BCAR1: variants seen among roughly 807,000 people sequenced by gnomAD.
BCAR1 encodes breast cancer anti-estrogen resistance protein 1.
BCAR1 carries 30 observed loss-of-function variants against 67.6 expected under a neutral mutation model. That is an observed-to-expected ratio of 0.44 (90% confidence interval 0.33 to 0.60). BCAR1 has a LOEUF of 0.60. Among genes scored for constraint, BCAR1 ranks in the 20% least tolerant of loss-of-function variants. The pLI is 0.02. For synonymous variants in BCAR1, 626 were observed against 556.7 expected, an observed-to-expected ratio of 1.12 and a Z score of -1.75; for missense variants, 1,313 against 1,222.3, an observed-to-expected ratio of 1.07 and a Z score of -1.11.
chr16:75,255,126 G>A (rs1049020074), upstream of BCAR1, among the ~76,000 whole-genome samples: 4 of 152,192 alleles, frequency 2.6e-5, no homozygotes, highest in Non-Finnish European at 4.4e-5. Context: ...GCTATTAGAT[G>A]GCCTCTTCCA....
At chr16:75,255,681 G>T (rs1348622575), upstream of BCAR1, among the ~76,000 whole-genome samples, 1 of 145,302 alleles carries the variant, frequency 6.9e-6, no homozygotes, top group African/African-American at 2.6e-5. Flanking sequence ...ATAGAGCAAG[G>T]CTCCATCTCA....
chr16:75,239,809 G>C (rs2077275643), intron 2 of BCAR1, among the ~76,000 whole-genome samples: 1 of 152,192 alleles, frequency 6.6e-6, no homozygotes, highest in Admixed American at 6.5e-5. Flanking sequence ...CCCAGCCTGA[G>C]GTCCCAGCAC....
chr16:75,236,963 G>A lies in BCAR1; in HGVS notation c.831C>T (p.Pro277=). 1 of 1,610,602 alleles carries A rather than the reference G, an allele frequency of 6.2e-7. No individual in the cohort carries two copies. The highest frequency in any genetic ancestry group is 8.5e-7 in the Non-Finnish European group (1 of 1,178,464). The change falls in exon 4 of 7, where the codon CCC becomes CCT. Residue 277 remains proline, a synonymous_variant. Transcript: ENST00000162330. The part of the protein sequence containing the change: ...YDTPPMAVKG[P]NGRDPLLEVY... Reference sequence around the variant, plus strand: ...CCTCCAGCAACGGGTCTCGGCCATTGGGACCCTTGACAGCCATGGGGGGTG... The same window carrying A: ...CCTCCAGCAACGGGTCTCGGCCATTAGGACCCTTGACAGCCATGGGGGGTG...
At chr16:75,231,423 T>C (rs1264980647) in intron 6 of BCAR1, among the ~76,000 whole-genome samples, 21 of 152,162 alleles carry the variant, frequency 1.4e-4, no homozygotes, top group Admixed American at 1.4e-3. Flanking sequence ...TTATATAATA[T>C]CCCACTGCAT....
chr16:75,257,244 G>C (rs1031217533), intron 1 of BCAR1, among the ~76,000 whole-genome samples: 2 of 152,106 alleles, frequency 1.3e-5, no homozygotes, highest in African/African-American at 2.4e-5. Flanking sequence ...TGGGCGGAGG[G>C]GGGTGACTTC....
intron 5 of BCAR1, 56 bp from the exon 6 acceptor site, chr16:75,233,991 G>A (rs2076995388): frequency 5.3e-6 from 8 of 1,523,390 alleles, no homozygotes; most frequent in Non-Finnish European, 6.3e-6. Context: ...CAGAAGCACA[G>A]GCCAGCCCTG....
chr16:75,264,561 G>A, intron 1 of BCAR1: 1 of 1,368,142 alleles, frequency 7.3e-7, no homozygotes, highest in Non-Finnish European at 9.4e-7. Context: ...ACGGATGGCG[G>A]GGCTCACATC....
upstream of BCAR1, chr16:75,252,434 C>A (rs2077701013): frequency 7.0e-7 from 1 of 1,436,384 alleles, no homozygotes; most frequent in East Asian, 2.5e-5. Context: ...AAGAATCACT[C>A]GGGGGAAACC....
At chr16:75,244,999 C>T (rs2077470687) in intron 1 of BCAR1, among the ~76,000 whole-genome samples, 1 of 151,992 alleles carries the variant, frequency 6.6e-6, no homozygotes, top group Non-Finnish European at 1.5e-5. Context: ...TGAAAAACTA[C>T]ACAAAAAGAA....
At chr16:75,248,416 C>T in intron 1 of BCAR1, 1 of 1,111,082 alleles carries the variant, frequency 9.0e-7, no homozygotes, top group Non-Finnish European at 1.1e-6. Context: ...CCTCCGTGGC[C>T]AACGGATGCA....
At chr16:75,252,725 T>G (rs2077705481), upstream of BCAR1, among the ~76,000 whole-genome samples, 1 of 152,324 alleles carries the variant, frequency 6.6e-6, no homozygotes, top group African/African-American at 2.4e-5. Context: ...TTCTCAAGCA[T>G]GGCCTATGGA....
intron 1 of BCAR1, among the ~76,000 whole-genome samples, chr16:75,257,601 T>G (rs1435811893): frequency 6.6e-6 from 1 of 152,168 alleles, no homozygotes; most frequent in African/African-American, 2.4e-5. Context: ...TCTACAGGTG[T>G]GCACCGCCAT....
intron 1 of BCAR1, chr16:75,250,898 ACTCCCGCTCCG>A: frequency 2.0e-6 from 2 of 985,080 alleles, no homozygotes; most frequent in Admixed American, 6.2e-5. Flanking sequence ...GCCCGCCCCC[ACTCCCGCTCCG>A]CTCCCGGAAC....
chr16:75,235,687 C>G lies in BCAR1; in HGVS notation c.1212G>C (p.Val404=). The G allele has an allele frequency of 6.2e-7, 1 of 1,611,714 alleles. No individual in the cohort carries two copies. The highest frequency in any genetic ancestry group is 8.5e-7 in the Non-Finnish European group (1 of 1,178,942). ...GCACCGCATACACACCACTGTCGAC[C>G]ACGCCACCATCAGCCACCTCAGGAG... ...VLPPEVADGG[V]VDSGVYAVPP... is the part of the protein sequence containing the mutation. The change falls in exon 5 of 7, where the codon GTG becomes GTC. Residue 404 remains valine, a synonymous_variant. Coordinates refer to ENST00000162330, the MANE Select transcript of BCAR1 (RefSeq NM_014567.5).
chr16:75,229,173 G>A lies in BCAR1; in HGVS notation c.*338C>T. The A allele has an allele frequency of 3.6e-6, 1 of 275,642 alleles. No individual in the cohort carries two copies. The highest frequency in any genetic ancestry group is 6.8e-6 in the Non-Finnish European group (1 of 147,104). 17.1% of individuals were successfully genotyped at this position (275,642 alleles called of 1,614,324 possible). A position where few individuals can be genotyped will look rare whatever the true frequency, so the allele number is the denominator to read the frequency against. On this transcript the variant is annotated 3_prime_UTR_variant, in exon 7 of 7. Coordinates refer to ENST00000162330, the MANE Select transcript of BCAR1 (RefSeq NM_014567.5). ...TGCACTGGCCCTGTCAGGGGACACG[G>A]CACCCTCGTGGGACCAGGCTCAGCC...
intron 1 of BCAR1, chr16:75,264,301 C>T (rs769785046): frequency 2.8e-6 from 4 of 1,424,452 alleles, no homozygotes; most frequent in Non-Finnish European, 3.7e-6. Context: ...CCCGCCCAGG[C>T]TGGGATGTGG....
At chr16:75,234,340 G>A (rs2077021827) in intron 5 of BCAR1, among the ~76,000 whole-genome samples, 1 of 152,126 alleles carries the variant, frequency 6.6e-6, no homozygotes, top group Non-Finnish European at 1.5e-5. Flanking sequence ...CTGGGCAGAG[G>A]GTGGGGTACC....
rs548630488 is a variant in BCAR1 at position 75,265,782 on chromosome 16, CG to C, written c.66+2132del. On this transcript the variant is annotated intron_variant, in intron 1 of 6. Coordinates refer to the BCAR1 transcript ENST00000393422. ...CGGGCGGGGCGAGGTCGCAGCCGGG[CG>C]GGGGACAGCCGGCCCGGGGTCCCGG... The C allele has an allele frequency of 1.2e-5, 14 of 1,196,494 alleles. No individual in the cohort carries two copies. The East Asian group carries it at 4.2e-4, about 36-fold the overall frequency. 74.1% of individuals were successfully genotyped at this position (1,196,494 alleles called of 1,614,324 possible). A position where few individuals can be genotyped will look rare whatever the true frequency, so the allele number is the denominator to read the frequency against.
intron 6 of BCAR1, among the ~76,000 whole-genome samples, chr16:75,232,199 C>T (rs1296929957): frequency 1.4e-5 from 2 of 143,988 alleles, no homozygotes; most frequent in Non-Finnish European, 1.5e-5. Context: ...CTCACCCTGT[C>T]GCCCAGGCTG....
Sources: allele counts gnomAD v4.1 joint callset (sites outside exome capture counted in the v4.1 genomes callset), GRCh38; gene constraint gnomAD v4.1.1; transcripts MANE v1.5; gene names NCBI Gene and HGNC (gene_info 2026-07-23, HGNC 2026-07-21).